ZNF475: variants seen among roughly 807,000 people sequenced by gnomAD.
ZNF475 encodes zinc finger protein 475.
the ZNF475 span, among the ~76,000 whole-genome samples, chr5:122,181,388 C>A: frequency 9.9e-5 from 15 of 152,078 alleles, no homozygotes; most frequent in Non-Finnish European, 1.9e-4. Context: ...GCATGAGTAA[C>A]GAGAAAGTCA....
At chr5:122,168,756 A>G in the ZNF475 span, among the ~76,000 whole-genome samples, 8 of 152,312 alleles carry the variant, frequency 5.3e-5, no homozygotes, top group African/African-American at 1.9e-4. Flanking sequence ...CCATTTCTTA[A>G]TCTGATTGTG....
the ZNF475 span, among the ~76,000 whole-genome samples, chr5:122,176,611 T>C: frequency 6.6e-6 from 1 of 152,200 alleles, no homozygotes; most frequent in Non-Finnish European, 1.5e-5. Context: ...TATAACTGAG[T>C]GTAAGACATG....
At chr5:122,170,971 AG>A in the ZNF475 span, among the ~76,000 whole-genome samples, 2 of 152,230 alleles carry the variant, frequency 1.3e-5, no homozygotes, top group Middle Eastern at 3.2e-3. Flanking sequence ...AGAAATTACA[AG>A]GGTTTTGAGA....
chr5:122,160,866 T>C, the ZNF475 span, among the ~76,000 whole-genome samples: 1 of 152,228 alleles, frequency 6.6e-6, no homozygotes. Context: ...ACTGAATCTT[T>C]ATATAATGAG....
At chr5:122,179,004 A>G in the ZNF475 span, among the ~76,000 whole-genome samples, 1 of 152,072 alleles carries the variant, frequency 6.6e-6, no homozygotes, top group Non-Finnish European at 1.5e-5. Context: ...TCCTTTCCCC[A>G]TTGCTTATTT....
chr5:122,178,976 C>T, the ZNF475 span, among the ~76,000 whole-genome samples: 1 of 152,146 alleles, frequency 6.6e-6, no homozygotes, highest in Admixed American at 6.6e-5. Context: ...TTCCCAATAT[C>T]ATTTATTGAA....
At chr5:122,168,579 G>A in the ZNF475 span, among the ~76,000 whole-genome samples, 3 of 152,284 alleles carry the variant, frequency 2.0e-5, no homozygotes, top group African/African-American at 7.2e-5. Flanking sequence ...CAGGCATGGC[G>A]GCCGGCGCCT....
At chr5:122,167,183 A>G in the ZNF475 span, among the ~76,000 whole-genome samples, 3 of 152,326 alleles carry the variant, frequency 2.0e-5, no homozygotes, top group Admixed American at 1.3e-4. Context: ...AACAGACAAG[A>G]TGCCATGCAC....
the ZNF475 span, chr5:122,179,642 T>C: frequency 1.2e-5 from 19 of 1,534,344 alleles, no homozygotes; most frequent in Non-Finnish European, 1.5e-5. Flanking sequence ...AGCCACAATG[T>C]CTGAAAAAAT....
the ZNF475 span, among the ~76,000 whole-genome samples, chr5:122,180,776 C>T: frequency 6.6e-5 from 10 of 152,210 alleles, no homozygotes; most frequent in Admixed American, 6.5e-4. Context: ...TAACAACCCA[C>T]AAAGTAGACC....
the ZNF475 span, among the ~76,000 whole-genome samples, chr5:122,165,947 C>G: frequency 6.6e-6 from 1 of 152,168 alleles, no homozygotes; most frequent in Non-Finnish European, 1.5e-5. Context: ...TCAAAAAGAA[C>G]AGGCTTACTG....
the ZNF475 span, among the ~76,000 whole-genome samples, chr5:122,180,900 T>A: frequency 6.6e-6 from 1 of 152,196 alleles, no homozygotes; most frequent in African/African-American, 2.4e-5. Context: ...AATGACCAGC[T>A]ACTGAAATTA....
At chr5:122,170,377 A>G in the ZNF475 span, among the ~76,000 whole-genome samples, 1 of 152,150 alleles carries the variant, frequency 6.6e-6, no homozygotes, top group South Asian at 2.1e-4. Flanking sequence ...TTGGCTAAAA[A>G]CTGGATTTCC....
chr5:122,174,406 C>G, the ZNF475 span, among the ~76,000 whole-genome samples: 1 of 152,046 alleles, frequency 6.6e-6, no homozygotes, highest in Non-Finnish European at 1.5e-5. Context: ...CTGTTCAGAC[C>G]CACGTGGATG....
chr5:122,173,447 C>T, the ZNF475 span, among the ~76,000 whole-genome samples: 3 of 152,148 alleles, frequency 2.0e-5, no homozygotes, highest in African/African-American at 4.8e-5. Context: ...GATATTATGA[C>T]TATTTATTTC....
At chr5:122,169,715 A>G in the ZNF475 span, among the ~76,000 whole-genome samples, 3 of 152,204 alleles carry the variant, frequency 2.0e-5, no homozygotes, top group Non-Finnish European at 2.9e-5. Flanking sequence ...ATATGGCAAT[A>G]TGTCAAGCCA....
At chr5:122,173,816 C>CTT in the ZNF475 span, among the ~76,000 whole-genome samples, 1 of 152,220 alleles carries the variant, frequency 6.6e-6, no homozygotes, top group Non-Finnish European at 1.5e-5. Flanking sequence ...TTTATGCACA[C>CTT]TTACATAGAT....
At chr5:122,182,104 G>A in the ZNF475 span, among the ~76,000 whole-genome samples, 5 of 152,168 alleles carry the variant, frequency 3.3e-5, no homozygotes, top group Non-Finnish European at 7.3e-5. Flanking sequence ...TATATTTAGA[G>A]TCAACTGAAA....
At chr5:122,166,127 G>A in the ZNF475 span, among the ~76,000 whole-genome samples, 4 of 152,142 alleles carry the variant, frequency 2.6e-5, no homozygotes, top group African/African-American at 4.8e-5. Context: ...GAAAATAATT[G>A]TAGGCTGGAG....
Sources: gnomAD v4.1 joint callset for allele counts (sites outside exome capture counted in the v4.1 genomes callset) on GRCh38, gnomAD v4.1.1 for gene constraint, MANE v1.5 for transcripts, NCBI Gene and HGNC (gene_info 2026-07-23, HGNC 2026-07-21) for gene names.